NOS1: variants seen among roughly 807,000 people sequenced by gnomAD.
NOS1 encodes nitric oxide synthase 1, also known as NOS type I.
NOS1 carries 51 observed loss-of-function variants against 164.5 expected under a neutral mutation model. That is an observed-to-expected ratio of 0.31 (90% CI 0.25 to 0.39). The LOEUF is 0.39. NOS1 is among the 10% of genes least tolerant of loss of function. The pLI is 1.00. For synonymous variants in NOS1, 719 were observed against 745.8 expected, an observed-to-expected ratio of 0.96 and a Z score of 0.59; for missense variants, 1,362 against 1,885.6, an observed-to-expected ratio of 0.72 and a Z score of 5.14.
intron 3 of NOS1, among the ~76,000 whole-genome samples, chr12:117,291,920 T>C (rs1873092298): frequency 6.6e-6 from 1 of 152,070 alleles, no homozygotes; most frequent in Admixed American, 6.6e-5. Context: ...CAAGCATTGG[T>C]CACTTAGTAA....
chr12:117,312,421 T>C (rs1874475711), intron 2 of NOS1, among the ~76,000 whole-genome samples: 1 of 151,650 alleles, frequency 6.6e-6, no homozygotes, highest in African/African-American at 2.4e-5. Flanking sequence ...CAGGAATGAC[T>C]GTTTTTCGTT....
intron 27 of NOS1, among the ~76,000 whole-genome samples, chr12:117,219,265 G>A (rs1270662243): frequency 6.6e-6 from 1 of 151,876 alleles, no homozygotes; most frequent in Admixed American, 6.6e-5. Context: ...ACAGGCGTGA[G>A]CCACTGCACC....
chr12:117,267,969 C>T (rs3741480), intron 11 of NOS1, 74 bp downstream of exon 11: 564,972 of 1,069,552 alleles, frequency 0.53, 152,840 homozygotes, highest in Middle Eastern at 0.59. Context: ...TCTCTTGATC[C>T]TCTGCATCAA....
At chr12:117,322,184 C>CTCCT (rs1874977620) in intron 2 of NOS1, among the ~76,000 whole-genome samples, 1 of 119,992 alleles carries the variant, frequency 8.3e-6, no homozygotes, top group Non-Finnish European at 1.8e-5. Flanking sequence ...CCTTCCTTCT[C>CTCCT]TCCTTTCTTC....
intron 21 of NOS1, among the ~76,000 whole-genome samples, chr12:117,233,652 C>CAA (rs1351661165): frequency 1.4e-4 from 21 of 151,434 alleles, no homozygotes; most frequent in African/African-American, 5.1e-4. Context: ...ACTAAAAATA[C>CAA]AAAAAATTAG....
chr12:117,211,163 T>G lies in NOS1; in HGVS notation c.*4146A>C. On this transcript the variant is annotated 3_prime_UTR_variant, in exon 29 of 29. Transcript: ENST00000317775. The stretch of plus-strand genomic sequence containing the variant: ...TAGTAGAGTCAGGGTTTCTACTAAC[T>G]GGCTGACTGGTCTCCAACTCCTGAC... 1.3e-6 allele frequency: 1 copy of G among 772,554 alleles called. No homozygotes were observed. The highest frequency in any genetic ancestry group is 5.8e-5 in the South Asian group (1 of 17,102). 47.9% of individuals were successfully genotyped at this position (772,554 alleles called of 1,614,324 possible). A position where few individuals can be genotyped will look rare whatever the true frequency, so the allele number is the denominator to read the frequency against.
chr12:117,322,165 CTTCT>C (rs981934916), intron 2 of NOS1, among the ~76,000 whole-genome samples: 1 of 128,706 alleles, frequency 7.8e-6, no homozygotes, highest in African/African-American at 2.9e-5. Context: ...TCCCTCCTTC[CTTCT>C]TTTTCCTTCC....
At chr12:117,256,059 G>T in intron 16 of NOS1, 1 of 1,291,566 alleles carries the variant, frequency 7.7e-7, no homozygotes, top group South Asian at 2.0e-5. Flanking sequence ...AATCGATGGT[G>T]CCCTATCTCT....
At chr12:117,215,869 C>CTT (rs34665031) in intron 28 of NOS1, among the ~76,000 whole-genome samples, 848 of 85,394 alleles carry the variant, frequency 9.9e-3, no homozygotes, top group Non-Finnish European at 0.014. Context: ...TTTAAAAGGA[C>CTT]TTTTTTTTTT....
chr12:117,341,204 A>G (rs1251726486), intron 1 of NOS1, among the ~76,000 whole-genome samples: 1 of 152,158 alleles, frequency 6.6e-6, no homozygotes, highest in Non-Finnish European at 1.5e-5. Flanking sequence ...AAGACCAGGT[A>G]AAAGGTACGG....
In NOS1 at chr12:117,316,319, C is replaced by T. The variant is rs534016346; in HGVS notation, c.726-4727G>A. On this transcript the variant is annotated intron_variant, in intron 2 of 28. Transcript: ENST00000317775. ...GTCTTGTTCACAGAGCCCAGGAATT[C>T]GATAATTCTCTACTACCCTTCCAGA... Among the ~76,000 whole-genome samples the T allele has an allele frequency of 7.9e-5, 12 of 152,160 alleles. No individual in the cohort carries two copies. The East Asian group carries it at 2.3e-3, about 29-fold the overall frequency.
rs1448252435 is a variant in NOS1, at chr12:117,280,578, C to T, written c.1524+147G>A. The T allele has an allele frequency of 9.8e-6, 8 of 814,566 alleles. No homozygotes were observed. In the African/African-American group the frequency reaches 1.2e-4, roughly 12 times the overall value. 50.5% of individuals were successfully genotyped at this position (814,566 alleles called of 1,614,324 possible). ...GCTGTAAAAGAATTAGATTGGGGAA[C>T]AGCCTGATGGAGAAGCAGGTTTGGA... is the stretch of plus-strand genomic sequence containing the variant. On this transcript the variant is annotated intron_variant, in intron 8 of 28. Coordinates refer to ENST00000317775, the MANE Select transcript of NOS1 (RefSeq NM_000620.5).
intron 21 of NOS1, among the ~76,000 whole-genome samples, chr12:117,233,999 C>A (rs1869489981): frequency 6.6e-6 from 1 of 152,060 alleles, no homozygotes; most frequent in Non-Finnish European, 1.5e-5. Context: ...GTACCTGACT[C>A]CTGAGCCCAC....
intron 7 of NOS1, among the ~76,000 whole-genome samples, chr12:117,283,798 G>T (rs1873880072): frequency 7.1e-6 from 1 of 140,548 alleles, no homozygotes; most frequent in African/African-American, 2.6e-5. Flanking sequence ...GGAGGTTGCA[G>T]TGAGCCAAGA....
At chr12:117,249,848 T>C (rs1870948478) in intron 17 of NOS1, among the ~76,000 whole-genome samples, 1 of 152,158 alleles carries the variant, frequency 6.6e-6, no homozygotes, top group Non-Finnish European at 1.5e-5. Context: ...TTCTGCTACA[T>C]TTCCAGAACT....
chr12:117,305,961 C>T (rs7139134), intron 3 of NOS1, among the ~76,000 whole-genome samples: 29,482 of 151,610 alleles, frequency 0.19, 3,614 homozygotes, highest in East Asian at 0.51. Flanking sequence ...TGGGCTCATT[C>T]TCGTATTTTT....
chr12:117,314,798 G>T lies in NOS1; in HGVS notation c.726-3206C>A, dbSNP rs497373. On this transcript the variant is annotated intron_variant, in intron 2 of 28. Transcript: ENST00000317775. ...ATTTTTGTATTTTTAGTAGAGATGG[G>T]GTTTCACCATGTTGGCCAGGCTGGT... is the stretch of plus-strand genomic sequence containing the variant. Among the ~76,000 whole-genome samples the T allele has an allele frequency of 3.8e-4, 58 of 152,022 alleles. 1 individual carries two copies. The highest frequency in any genetic ancestry group is 1.4e-3 in the African/African-American group (56 of 41,478).
intron 11 of NOS1, among the ~76,000 whole-genome samples, chr12:117,266,401 C>T (rs1566048514): frequency 2.6e-5 from 4 of 152,184 alleles, no homozygotes; most frequent in Non-Finnish European, 5.9e-5. Context: ...GAATAATAGT[C>T]TCCATTCCCA....
chr12:117,253,098 G>C (rs904445412), intron 17 of NOS1, among the ~76,000 whole-genome samples: 45 of 152,158 alleles, frequency 3.0e-4, no homozygotes, highest in Admixed American at 1.9e-3. Context: ...TGTCAAATCT[G>C]ACTGCACGTT....
Sources: gnomAD v4.1 joint callset for allele counts (sites outside exome capture counted in the v4.1 genomes callset) on GRCh38, gnomAD v4.1.1 for gene constraint, MANE v1.5 for transcripts, NCBI Gene and HGNC (gene_info 2026-07-23, HGNC 2026-07-21) for gene names.